AIG1: variants seen among roughly 807,000 people sequenced by gnomAD.
The protein encoded by AIG1 is androgen-induced gene 1 protein.
AIG1 carries 23 observed loss-of-function variants against 31.4 expected under a neutral mutation model. The ratio of observed to expected loss-of-function variants is 0.73; its 90% CI spans 0.53 to 1.04. AIG1 has a LOEUF of 1.04. Among genes scored for constraint, AIG1 ranks in the 50% least tolerant of loss-of-function variants. The probability of loss-of-function intolerance (pLI) is 0.00; values close to 1 mark genes in which losing one functional copy is unlikely to be tolerated. For missense variants in AIG1, 274 were observed against 295.0 expected (o/e 0.93, Z 0.52); for synonymous variants, 100 against 110.5 (o/e 0.90, Z 0.60).
intron 3 of AIG1, among the ~76,000 whole-genome samples, chr6:143,254,739 C>T (rs1246004177): frequency 6.6e-6 from 1 of 152,148 alleles, no homozygotes; most frequent in Admixed American, 6.5e-5. Flanking sequence ...CTTGGCCAGG[C>T]ACAGTGGTTC....
At chr6:143,245,673 A>G (rs1007592896) in intron 3 of AIG1, among the ~76,000 whole-genome samples, 12 of 152,186 alleles carry the variant, frequency 7.9e-5, no homozygotes, top group Non-Finnish European at 1.6e-4. Flanking sequence ...TTCCTACAGA[A>G]TCATTTCAGT....
In AIG1 at chr6:143,338,685, T is replaced by C. The variant is rs1777691697; in HGVS notation, c.680-954T>C. 1 of 152,240 alleles carries C rather than the reference T, an allele frequency of 6.6e-6. No homozygotes were observed. Among genetic ancestry groups the C allele is most frequent in the Non-Finnish European group, 1.5e-5 (1 of 68,048 alleles). 9.4% of individuals were successfully genotyped at this position (152,240 alleles called of 1,614,324 possible). ...ATTAATTTTATTCAGCAAAGATTAA[T>C]TGAGCTCCTGCAATGAGACACACAC... is the stretch of plus-strand genomic sequence containing the variant. On this transcript the variant is annotated intron_variant, in intron 5 of 5. Coordinates refer to ENST00000357847, the MANE Select transcript of AIG1 (RefSeq NM_016108.4). This position sits in a 1 kb window ranked among gnomAD's most constrained non-coding sequence, Gnocchi z 4.3.
chr6:143,195,189 A>G (rs1482402649), intron 3 of AIG1, among the ~76,000 whole-genome samples: 1 of 152,166 alleles, frequency 6.6e-6, no homozygotes, highest in Non-Finnish European at 1.5e-5. Context: ...ATGGTGATTT[A>G]GGGAGCAATT....
At chr6:143,305,465 C>T (rs1799200897) in intron 4 of AIG1, among the ~76,000 whole-genome samples, 1 of 152,014 alleles carries the variant, frequency 6.6e-6, no homozygotes, top group African/African-American at 2.4e-5. Flanking sequence ...TTTATTTCTG[C>T]CTTCATTTTG....
At chr6:143,130,129 C>T (rs1220175230) in intron 1 of AIG1, among the ~76,000 whole-genome samples, 2 of 151,820 alleles carry the variant, frequency 1.3e-5, no homozygotes, top group East Asian at 1.9e-4. Context: ...TGGGGGTTCA[C>T]CATGTTGGCC....
chr6:143,111,829 C>T (rs538267142), intron 1 of AIG1, among the ~76,000 whole-genome samples: 7 of 152,262 alleles, frequency 4.6e-5, no homozygotes, highest in South Asian at 2.1e-4. Context: ...ACATCCAACT[C>T]GTCTTCCTCC....
chr6:143,240,196 T>G (rs993964791), intron 3 of AIG1, among the ~76,000 whole-genome samples: 1 of 152,196 alleles, frequency 6.6e-6, no homozygotes, highest in African/African-American at 2.4e-5. Flanking sequence ...AGTTTCCTCA[T>G]CTACAGAATA....
rs11298199 is a variant in AIG1, at chr6:143,335,945, G to GAA, written c.679+2515_679+2516dup. ...CCTGAGCCACAGAGTGAAACTCTCA[G>GAA]AAAAAAAAAAAAAAAACAGAAAGAA... is the stretch of plus-strand genomic sequence containing the variant. On this transcript the variant is annotated intron_variant, in intron 5 of 5. Transcript: ENST00000357847. 5.4e-4 allele frequency among the ~76,000 whole-genome samples: 68 copies of GAA among 126,832 alleles called. 1 individual carries two copies. The highest frequency in any genetic ancestry group is 1.5e-3 in the African/African-American group (51 of 34,980). 83.2% of individuals were successfully genotyped at this position (126,832 alleles called of 152,430 possible).
chr6:143,091,555 T>G (rs1191928470), intron 1 of AIG1, among the ~76,000 whole-genome samples: 1 of 152,244 alleles, frequency 6.6e-6, no homozygotes, highest in Non-Finnish European at 1.5e-5. Context: ...GAAAAAAAGC[T>G]GTGTCTCTAT....
At chr6:143,270,194 C>A (rs1480702241) in intron 3 of AIG1, among the ~76,000 whole-genome samples, 1 of 152,182 alleles carries the variant, frequency 6.6e-6, no homozygotes, top group Non-Finnish European at 1.5e-5. Context: ...TGGTGAAAGA[C>A]TTCCTGGCCC....
intron 3 of AIG1, among the ~76,000 whole-genome samples, chr6:143,205,338 G>C (rs538403048): frequency 6.6e-6 from 1 of 152,194 alleles, no homozygotes. Context: ...AGTCTGGCAG[G>C]TATTCAAAGC....
intron 4 of AIG1, among the ~76,000 whole-genome samples, chr6:143,311,322 C>T (rs905862684): frequency 1.3e-5 from 2 of 151,766 alleles, no homozygotes; most frequent in Admixed American, 6.6e-5. Context: ...TGGAGACTCC[C>T]GAATACCCTG....
intron 4 of AIG1, among the ~76,000 whole-genome samples, chr6:143,305,983 C>G (rs1013632209): frequency 2.6e-5 from 4 of 151,380 alleles, no homozygotes; most frequent in Non-Finnish European, 5.9e-5. Flanking sequence ...TATGTAATGG[C>G]CTTCTTTGTC....
intron 3 of AIG1, among the ~76,000 whole-genome samples, chr6:143,282,512 C>G (rs1448155462): frequency 6.6e-6 from 1 of 152,172 alleles, no homozygotes; most frequent in African/African-American, 2.4e-5. Context: ...TGTCTCTGTA[C>G]TAGCACACAT....
In AIG1 at chr6:143,158,180, C is replaced by T. The variant is rs73777895; in HGVS notation, c.298-6902C>T. Among the ~76,000 whole-genome samples the T allele has an allele frequency of 4.0e-3, 603 of 152,288 alleles. 2 individuals carry two copies. Among genetic ancestry groups the T allele is most frequent in the African/African-American group, 0.014 (584 of 41,564 alleles). ...GCATGAGCCATATATTCAGGCACCA[C>T]TCTTTTCTTGTTGACCTTAGTACAC... On this transcript the variant is annotated intron_variant, in intron 2 of 5. Coordinates refer to ENST00000357847, the MANE Select transcript of AIG1 (RefSeq NM_016108.4).
intron 3 of AIG1, among the ~76,000 whole-genome samples, chr6:143,240,953 A>C (rs2128639011): frequency 6.6e-6 from 1 of 152,274 alleles, no homozygotes; most frequent in East Asian, 1.9e-4. Context: ...TGGAAATGAT[A>C]CACATTCCCG....
In AIG1 at chr6:143,333,928, G is replaced by T; in HGVS notation, c.679+483G>T. The T allele has an allele frequency of 1.3e-6, 1 of 745,314 alleles. No homozygotes were observed. Among genetic ancestry groups the T allele is most frequent in the South Asian group, 1.8e-5 (1 of 56,998 alleles). 46.2% of individuals were successfully genotyped at this position (745,314 alleles called of 1,614,324 possible). On this transcript the variant is annotated intron_variant, in intron 5 of 5. Coordinates refer to ENST00000357847, the MANE Select transcript of AIG1 (RefSeq NM_016108.4). This position sits in a 1 kb window ranked among gnomAD's most constrained non-coding sequence, Gnocchi z 4.6. ...TGCTAGAGCTCTATCTAAGCAGTGT[G>T]TGATGCTCCGGCCACCTTGACTCAC...
At chr6:143,233,471 A>G (rs931360242) in intron 3 of AIG1, among the ~76,000 whole-genome samples, 7 of 151,950 alleles carry the variant, frequency 4.6e-5, no homozygotes, top group African/African-American at 1.7e-4. Context: ...GTTAAATTTA[A>G]CAGACTTTGA....
At chr6:143,078,473 G>A (rs1777923916) in intron 1 of AIG1, among the ~76,000 whole-genome samples, 2 of 152,030 alleles carry the variant, frequency 1.3e-5, no homozygotes, top group Admixed American at 1.3e-4. Context: ...GTATTAGTCT[G>A]TTTTCACACT....
Sources: allele counts gnomAD v4.1 joint callset (sites outside exome capture counted in the v4.1 genomes callset), GRCh38; gene constraint gnomAD v4.1.1; non-coding constraint Gnocchi (gnomAD v3.1); transcripts MANE v1.5; gene names NCBI Gene and HGNC (gene_info 2026-07-23, HGNC 2026-07-21).